GPR161: variants seen among roughly 807,000 people sequenced by gnomAD.
GPR161 encodes the protein G-protein coupled receptor RE2.
A neutral mutation model predicts 39.2 loss-of-function variants in GPR161; 25 were observed. That is an observed-to-expected ratio of 0.64 (90% confidence interval 0.47 to 0.89). The LOEUF is 0.89. Among genes scored for constraint, GPR161 ranks in the 40% least tolerant of loss-of-function variants. GPR161 has a pLI of 0.00. For synonymous variants in GPR161, 286 were observed against 276.6 expected (o/e 1.03, Z -0.34); for missense variants, 547 against 677.8 (o/e 0.81, Z 2.14).
chr1:168,118,135 T>C (rs1172633124), intron 1 of GPR161, among the ~76,000 whole-genome samples: 1 of 152,136 alleles, frequency 6.6e-6, no homozygotes, highest in Admixed American at 6.5e-5. Context: ...ATAGACAAAA[T>C]GGACTTCATG....
intron 5 of GPR161, among the ~76,000 whole-genome samples, chr1:168,086,140 A>C (rs759441954): frequency 3.9e-5 from 6 of 152,224 alleles, no homozygotes; most frequent in African/African-American, 1.4e-4. Flanking sequence ...AATACTTTCT[A>C]CTAATGCTAA....
chr1:168,089,263 G>A (rs1368285564), intron 4 of GPR161: 2 of 152,234 alleles, frequency 1.3e-5, no homozygotes, highest in Non-Finnish European at 2.9e-5. Context: ...GAACAGGGAA[G>A]CAGACTGGGG....
At position 168,136,769 on chromosome 1, in the gene GPR161, C is replaced by T; in HGVS notation, c.-75G>A. 1 of 989,786 alleles carries T rather than the reference C, an allele frequency of 1.0e-6. No homozygotes were observed. The highest frequency in any genetic ancestry group is 1.2e-6 in the Non-Finnish European group (1 of 833,092). 61.3% of individuals were successfully genotyped at this position (989,786 alleles called of 1,614,324 possible). A position where few individuals can be genotyped will look rare whatever the true frequency, so the allele number is the denominator to read the frequency against. ...AGCGGCCGCCGCGGCAGCTCAGGCCCCGGCCCAGCCGCCTCCCCGCCTCGG... is the reference window on the plus strand; with the variant it reads ...AGCGGCCGCCGCGGCAGCTCAGGCCTCGGCCCAGCCGCCTCCCCGCCTCGG... On this transcript the variant is annotated 5_prime_UTR_variant, in exon 1 of 6. Coordinates refer to ENST00000682931, the MANE Select transcript of GPR161 (RefSeq NM_001375883.1).
chr1:168,122,761 C>T (rs1200179094), intron 1 of GPR161, among the ~76,000 whole-genome samples: 1 of 152,172 alleles, frequency 6.6e-6, no homozygotes, highest in African/African-American at 2.4e-5. Context: ...CCTTCCCCAG[C>T]CATACTATGT....
In GPR161 at chr1:168,084,557, T is replaced by C. The variant is rs965377534; in HGVS notation, c.*974A>G. 13 of 352,258 alleles carry C rather than the reference T, an allele frequency of 3.7e-5. No individual in the cohort carries two copies. Among genetic ancestry groups the C allele is most frequent in the Admixed American group, 4.0e-5 (1 of 24,986 alleles). The allele number at this position is 352,258 out of a possible 1,614,324, so 21.8% of individuals were successfully genotyped here. ...TATCTTATTTATACCAGGCTTGTGA[T>C]AATAGTAACTGTTGCTCTTGGGAGT... On this transcript the variant is annotated 3_prime_UTR_variant, in exon 6 of 6. Transcript: ENST00000682931.
chr1:168,101,355 G>T (rs1044303595), intron 2 of GPR161, among the ~76,000 whole-genome samples: 3 of 152,190 alleles, frequency 2.0e-5, no homozygotes, highest in Non-Finnish European at 4.4e-5. Context: ...CACGACTGGG[G>T]AGGTGTTCCA....
chr1:168,131,672 T>A (rs1002551707), intron 1 of GPR161, among the ~76,000 whole-genome samples: 1 of 152,106 alleles, frequency 6.6e-6, no homozygotes, highest in Non-Finnish European at 1.5e-5. Context: ...AGGAGGGGAC[T>A]TCCTAAGCAA....
rs1315649763 is a variant in GPR161, at chr1:168,104,457, T to C, written c.374+20A>G. The C allele has an allele frequency of 1.3e-6, 2 of 1,598,832 alleles. No homozygotes were observed. The highest frequency in any genetic ancestry group is 8.6e-7 in the Non-Finnish European group (1 of 1,167,978). On this transcript the variant is annotated intron_variant, in intron 2 of 5. Coordinates refer to ENST00000682931, the MANE Select transcript of GPR161 (RefSeq NM_001375883.1). ...GCCCGTCAGTAATCCCTCAATTCTC[T>C]AAGTCTGAGGCATGCTTACCGGTCG...
At chr1:168,119,227 C>CACATATATAT (rs1558129624) in intron 1 of GPR161, among the ~76,000 whole-genome samples, 1 of 97,860 alleles carries the variant, frequency 1.0e-5, no homozygotes, top group East Asian at 2.8e-4. Context: ...TATATATATA[C>CACATATATAT]GTATATATAT....
intron 1 of GPR161, among the ~76,000 whole-genome samples, chr1:168,113,941 T>C (rs1304675422): frequency 1.3e-5 from 2 of 152,116 alleles, no homozygotes; most frequent in African/African-American, 2.4e-5. Context: ...AGTTTACCTA[T>C]ATAACAAACC....
At chr1:168,109,357 A>G (rs1696917475) in intron 1 of GPR161, among the ~76,000 whole-genome samples, 2 of 152,220 alleles carry the variant, frequency 1.3e-5, no homozygotes, top group Non-Finnish European at 2.9e-5. Context: ...AGAAAAAACT[A>G]AAAGGCAGAA....
intron 1 of GPR161, among the ~76,000 whole-genome samples, chr1:168,118,062 G>A (rs1285916739): frequency 6.6e-6 from 1 of 152,192 alleles, no homozygotes; most frequent in Non-Finnish European, 1.5e-5. Context: ...AGTCACAGAT[G>A]ACCCTGGATT....
chr1:168,099,249 G>A (rs948873909), intron 2 of GPR161, among the ~76,000 whole-genome samples: 8 of 152,194 alleles, frequency 5.3e-5, no homozygotes, highest in Non-Finnish European at 7.4e-5. Context: ...CCTGTCTGAC[G>A]TCATTCTGGC....
intron 1 of GPR161, among the ~76,000 whole-genome samples, chr1:168,128,240 C>T (rs1698732094): frequency 6.6e-6 from 1 of 151,954 alleles, no homozygotes; most frequent in Non-Finnish European, 1.5e-5. Context: ...TGAAAATATC[C>T]AAGCAGTAGA....
rs1286089718 is a variant in GPR161, at chr1:168,084,965, C to T, written c.*566G>A. 2 of 456,328 alleles carry T rather than the reference C, an allele frequency of 4.4e-6. No individual in the cohort carries two copies. Among genetic ancestry groups the T allele is most frequent in the African/African-American group, 2.0e-5 (1 of 50,206 alleles). The allele number at this position is 456,328 out of a possible 1,614,324, so 28.3% of individuals were successfully genotyped here. ...CTGAGGACCGCTCCGAAGCGCTCTGCTCCTGGGTGCTTTCTCTGCGGACCA... is the reference window on the plus strand; with the variant it reads ...CTGAGGACCGCTCCGAAGCGCTCTGTTCCTGGGTGCTTTCTCTGCGGACCA... On this transcript the variant is annotated 3_prime_UTR_variant, in exon 6 of 6. Transcript: ENST00000682931.
rs1699246977 is a variant in GPR161 at position 168,134,824 on chromosome 1, GC to G, written c.-45+1914del. 1.8e-5 allele frequency: 23 copies of G among 1,264,286 alleles called. No homozygotes were observed. In the Middle Eastern group the frequency reaches 1.5e-3, roughly 84 times the overall value. The allele number at this position is 1,264,286 out of a possible 1,614,324, so 78.3% of individuals were successfully genotyped here. A position where few individuals can be genotyped will look rare whatever the true frequency, so the allele number is the denominator to read the frequency against. Reference sequence around the variant, plus strand: ...CTTAGCAGCACACAGCTCCCACCCAGCCCTCCTGTCCACCCGCCTCCTGCAC... The same window carrying G: ...CTTAGCAGCACACAGCTCCCACCCAGCCTCCTGTCCACCCGCCTCCTGCAC... On this transcript the variant is annotated intron_variant, in intron 1 of 5. Coordinates refer to ENST00000682931, the MANE Select transcript of GPR161 (RefSeq NM_001375883.1).
At chr1:168,122,836 CAT>C (rs1417563499) in intron 1 of GPR161, among the ~76,000 whole-genome samples, 1 of 152,162 alleles carries the variant, frequency 6.6e-6, no homozygotes, top group Non-Finnish European at 1.5e-5. Context: ...GTCCTTAGCA[CAT>C]GTGTGTGTTC....
rs185604709 is a variant in GPR161 at position 168,098,470 on chromosome 1, C to T, written c.375-1238G>A. Among the ~76,000 whole-genome samples the T allele has an allele frequency of 1.1e-4, 16 of 152,314 alleles. No individual in the cohort carries two copies. The highest frequency in any genetic ancestry group is 5.8e-4 in the East Asian group (3 of 5,178). ...CCATGAGGGCAACATGTGTAAGGGA[C>T]GGGTGGCCACACTGATGCCGCCTGG... On this transcript the variant is annotated intron_variant, in intron 2 of 5. Coordinates refer to ENST00000682931, the MANE Select transcript of GPR161 (RefSeq NM_001375883.1). This position sits in a 1 kb window ranked among gnomAD's most constrained non-coding sequence, Gnocchi z 4.1.
chr1:168,092,147 AG>A (rs1054612564), intron 3 of GPR161, among the ~76,000 whole-genome samples: 1 of 152,156 alleles, frequency 6.6e-6, no homozygotes, highest in African/African-American at 2.4e-5. Context: ...GGGTTACTGT[AG>A]GGAGCTGGGA....
Sources: allele counts gnomAD v4.1 joint callset (sites outside exome capture counted in the v4.1 genomes callset), GRCh38; gene constraint gnomAD v4.1.1; non-coding constraint Gnocchi (gnomAD v3.1); transcripts MANE v1.5; gene names NCBI Gene and HGNC (gene_info 2026-07-23, HGNC 2026-07-21).